MACC1: variants seen among roughly 807,000 people sequenced by gnomAD.
MACC1 encodes the protein metastasis-associated in colon cancer protein 1.
MACC1 carries 79 observed loss-of-function variants against 70.7 expected under a neutral mutation model. That is an observed-to-expected ratio of 1.12 (90% CI 0.93 to 1.35). MACC1 has a LOEUF of 1.35. Ranked by LOEUF, MACC1 falls within the 40% of genes most tolerant of loss-of-function variation. MACC1 has a pLI of 0.00. For missense variants in MACC1, 1,106 were observed against 978.1 expected (o/e 1.13, Z -1.74); for synonymous variants, 361 against 347.2 (o/e 1.04, Z -0.44).
chr7:20,168,384 C>T lies in MACC1; in HGVS notation c.-153+2330G>A, dbSNP rs778311885. Among the ~76,000 whole-genome samples, 9 of 152,244 alleles carry T rather than the reference C, an allele frequency of 5.9e-5. No homozygotes were observed. The East Asian group carries it at 1.5e-3, about 26-fold the overall frequency. On this transcript the variant is annotated intron_variant, in intron 2 of 6. Transcript: ENST00000400331. Reference sequence around the variant, plus strand: ...ACATCATGCTGTAAATTCCAGTATACCTATTAGCAGTAGTCCACACATTTG... The same window carrying T: ...ACATCATGCTGTAAATTCCAGTATATCTATTAGCAGTAGTCCACACATTTG...
rs896912727 is a variant in MACC1 at position 20,137,889 on chromosome 7, A to C, written c.*3057T>G. On this transcript the variant is annotated 3_prime_UTR_variant, in exon 7 of 7. Coordinates refer to ENST00000400331, the MANE Select transcript of MACC1 (RefSeq NM_182762.4). ...TCTGGAAGGCTGGGAGCAGTGGCTC[A>C]TGCCTGTAATCCTAGCACTCTGGGA... 1 of 152,210 alleles carries C rather than the reference A, an allele frequency of 6.6e-6. No homozygotes were observed. Among genetic ancestry groups the C allele is most frequent in the Non-Finnish European group, 1.5e-5 (1 of 68,032 alleles). The allele number at this position is 152,210 out of a possible 1,614,324, so 9.4% of individuals were successfully genotyped here.
chr7:20,169,301 G>A (rs1175624616), intron 2 of MACC1, among the ~76,000 whole-genome samples: 1 of 152,200 alleles, frequency 6.6e-6, no homozygotes, highest in Non-Finnish European at 1.5e-5. Flanking sequence ...TTTAATTATT[G>A]CAAGAGTAGT....
chr7:20,194,401 G>A (rs1162807815), intron 1 of MACC1, among the ~76,000 whole-genome samples: 2 of 152,158 alleles, frequency 1.3e-5, no homozygotes, highest in Non-Finnish European at 2.9e-5. Flanking sequence ...GTACTCCCCT[G>A]ATGTGTTTGT....
At chr7:20,172,424 A>C (rs564724978) in intron 1 of MACC1, among the ~76,000 whole-genome samples, 1 of 152,332 alleles carries the variant, frequency 6.6e-6, no homozygotes, top group African/African-American at 2.4e-5. Flanking sequence ...ATCTGTATGG[A>C]TTTTTAAAGT....
At chr7:20,205,914 T>C (rs1442149021) in intron 1 of MACC1, among the ~76,000 whole-genome samples, 2 of 152,112 alleles carry the variant, frequency 1.3e-5, no homozygotes, top group Non-Finnish European at 2.9e-5. Context: ...GGCACCTCCA[T>C]ATATACCTCA....
At chr7:20,196,544 T>C (rs1782756674) in intron 1 of MACC1, among the ~76,000 whole-genome samples, 1 of 152,038 alleles carries the variant, frequency 6.6e-6, no homozygotes, top group Admixed American at 6.6e-5. Context: ...TGGAGAAAGA[T>C]AGTGTATAAA....
intron 6 of MACC1, among the ~76,000 whole-genome samples, chr7:20,152,098 A>G (rs762167748): frequency 4.6e-5 from 7 of 152,230 alleles, no homozygotes; most frequent in Admixed American, 1.3e-4. Flanking sequence ...TCAGTGCCAG[A>G]TAACTCTCCC....
At chr7:20,190,054 C>T (rs894404226) in intron 1 of MACC1, among the ~76,000 whole-genome samples, 5 of 152,186 alleles carry the variant, frequency 3.3e-5, no homozygotes, top group Admixed American at 2.0e-4. Flanking sequence ...GCCCCACCTT[C>T]ATGACCTCAT....
chr7:20,169,656 G>A (rs3094999), intron 2 of MACC1, among the ~76,000 whole-genome samples: 85,240 of 152,014 alleles, frequency 0.56, 24,296 homozygotes, highest in East Asian at 0.86. Flanking sequence ...TTTTTGTAAA[G>A]TAGAAAGAAT....
rs145897537 is a variant in MACC1, at chr7:20,161,466, G to C, written c.115+282C>G. ...TTTGATGCTCCATGAAGATTTCCTA[G>C]GTCAATCAACCTTCAGAGAGCCTTT... On this transcript the variant is annotated intron_variant, in intron 4 of 6. Coordinates refer to ENST00000400331, the MANE Select transcript of MACC1 (RefSeq NM_182762.4). Among the ~76,000 whole-genome samples, 565 of 151,872 alleles carry C rather than the reference G, an allele frequency of 3.7e-3. 1 individual carries two copies. Among genetic ancestry groups the C allele is most frequent in the Non-Finnish European group, 6.1e-3 (417 of 67,834 alleles).
chr7:20,194,428 T>C (rs148515220), intron 1 of MACC1, among the ~76,000 whole-genome samples: 90 of 152,174 alleles, frequency 5.9e-4, no homozygotes, highest in African/African-American at 2.0e-3. Flanking sequence ...TAGTTTTCAT[T>C]AGAAAGAAAC....
At chr7:20,194,839 T>A in intron 1 of MACC1, among the ~76,000 whole-genome samples, 1 of 152,206 alleles carries the variant, frequency 6.6e-6, no homozygotes, top group East Asian at 1.9e-4. Flanking sequence ...CAAAAGGCAG[T>A]TTTAAAAATA....
chr7:20,175,965 G>C (rs1782386656), intron 1 of MACC1, among the ~76,000 whole-genome samples: 1 of 152,048 alleles, frequency 6.6e-6, no homozygotes, highest in Non-Finnish European at 1.5e-5. Flanking sequence ...TGTTAGAAGT[G>C]GGTTCTACAA....
intron 1 of MACC1, among the ~76,000 whole-genome samples, chr7:20,209,617 C>A (rs967200384): frequency 2.0e-5 from 3 of 152,136 alleles, no homozygotes; most frequent in Non-Finnish European, 4.4e-5. Flanking sequence ...AAGGCACTTG[C>A]CTTGTCTTAG....
At chr7:20,202,810 C>T (rs779633273) in intron 1 of MACC1, among the ~76,000 whole-genome samples, 6 of 152,182 alleles carry the variant, frequency 3.9e-5, no homozygotes, top group Non-Finnish European at 7.3e-5. Context: ...GTGGCTAATG[C>T]TTACCTTTTT....
intron 1 of MACC1, among the ~76,000 whole-genome samples, chr7:20,182,534 A>G (rs1452187506): frequency 6.6e-6 from 1 of 152,174 alleles, no homozygotes; most frequent in Non-Finnish European, 1.5e-5. Flanking sequence ...GATATGATGC[A>G]CATCGCATTC....
chr7:20,175,917 G>T (rs1782385977), intron 1 of MACC1, among the ~76,000 whole-genome samples: 1 of 151,958 alleles, frequency 6.6e-6, no homozygotes, highest in African/African-American at 2.4e-5. Context: ...TCCATTGTAG[G>T]CTACAAAGAA....
chr7:20,175,648 G>T (rs1782379949), intron 1 of MACC1, among the ~76,000 whole-genome samples: 1 of 152,080 alleles, frequency 6.6e-6, no homozygotes, highest in Admixed American at 6.5e-5. Flanking sequence ...AAATAACCAA[G>T]AAAAATTTTA....
In MACC1 at chr7:20,159,856, C is replaced by G. The variant is rs368392593; in HGVS notation, c.505G>C (p.Glu169Gln). ...GCCTCCCGATCATTTTTAAGCCACT[C>G]TAAGTCGTGTAGTAGGATCTGGTCA... ...NSDQILLHDL[E>Q]WLKNDREAYK... Residue 169 changes from glutamate (E) to glutamine (Q), a missense_variant, in exon 5 of 7, where the codon GAG becomes CAG. Coordinates refer to ENST00000400331, the MANE Select transcript of MACC1 (RefSeq NM_182762.4). 6.2e-7 allele frequency: 1 copy of G among 1,614,134 alleles called. No homozygotes were observed.
Sources: allele counts gnomAD v4.1 joint callset (sites outside exome capture counted in the v4.1 genomes callset), GRCh38; gene constraint gnomAD v4.1.1; transcripts MANE v1.5; gene names NCBI Gene and HGNC (gene_info 2026-07-23, HGNC 2026-07-21).